TRPC5: variants seen among roughly 807,000 people sequenced by gnomAD.
TRPC5 encodes transient receptor potential cation channel subfamily C member 5.
In TRPC5, 9 loss-of-function variants were observed where a neutral mutation model predicts 56.5. That is an observed-to-expected ratio of 0.16 (90% CI 0.10 to 0.28). The LOEUF (loss-of-function observed/expected upper bound fraction) is 0.28, where lower values mean the gene tolerates loss of function less well. Among genes scored for constraint, TRPC5 ranks in the 10% least tolerant of loss-of-function variants. TRPC5 has a pLI of 1.00. For missense variants in TRPC5, 469 were observed against 748.9 expected (o/e 0.63, Z 4.36); for synonymous variants, 282 against 278.5 (o/e 1.01, Z -0.13).
At chrX:112,047,865 T>C (rs1308646894) in intron 1 of TRPC5, among the ~76,000 whole-genome samples, 1 of 112,057 alleles carries the variant, frequency 8.9e-6, no homozygotes, top group Non-Finnish European at 1.9e-5. Flanking sequence ...ACTGTTCTTA[T>C]CTTTCACAGT....
Position 111,853,919 on chromosome X carries a change from G to C in TRPC5, c.1088C>G (p.Pro363Arg), listed in dbSNP as rs1175238416. Residue 363 changes from proline to arginine, a missense_variant, in exon 4 of 11, where the codon CCC (proline) becomes CGC (arginine). Physicochemically the swap from Pro to Arg is moderately radical, Grantham distance 103 (BLOSUM62 -2). Transcript: ENST00000262839. ...RSNLGLFIKK[P>R]FIKFICHTAS... The stretch of plus-strand genomic sequence containing the variant: ...TGTGTGGCAGATAAACTTGATAAAG[G>C]GTTTCTTGATGAACAGCCCAAGGTT... The C allele has an allele frequency of 8.3e-7, 1 of 1,211,687 alleles. No individual in the cohort carries two copies. The highest frequency in any genetic ancestry group is 3.0e-5 in the East Asian group (1 of 33,842).
rs146356605 is a variant in TRPC5 at position 111,841,580 on chromosome X, T to C, written c.1700+5534A>G. 6.9e-3 allele frequency among the ~76,000 whole-genome samples: 772 copies of C among 112,360 alleles called. 8 individuals are homozygous for C. Among genetic ancestry groups the C allele is most frequent in the African/African-American group, 0.024 (746 of 30,934 alleles). ...GTGCCTGTTCCTAGCACGCAGTAAA[T>C]ATTGATTATTTTCATTATTATTATT... On this transcript the variant is annotated intron_variant, in intron 6 of 10. Transcript: ENST00000262839.
At chrX:111,784,219 C>T (rs1945942311) in intron 7 of TRPC5, among the ~76,000 whole-genome samples, 1 of 111,871 alleles carries the variant, frequency 8.9e-6, no homozygotes, top group South Asian at 3.7e-4. Flanking sequence ...AGGAGTAAAT[C>T]TTTGTGACCT....
chrX:111,800,811 A>G (rs1331426953), intron 7 of TRPC5, among the ~76,000 whole-genome samples: 4 of 111,135 alleles, frequency 3.6e-5, no homozygotes, highest in African/African-American at 1.3e-4. Flanking sequence ...GTTAATTGTT[A>G]TTAGTAAGGC....
chrX:111,984,720 T>A, intron 1 of TRPC5, among the ~76,000 whole-genome samples: 1 of 112,144 alleles, frequency 8.9e-6, no homozygotes, highest in Non-Finnish European at 1.9e-5. Flanking sequence ...GGAAAAGTGA[T>A]CAAAATCCCT....
At chrX:111,973,013 A>G (rs1402598962) in intron 1 of TRPC5, among the ~76,000 whole-genome samples, 1 of 111,779 alleles carries the variant, frequency 8.9e-6, no homozygotes, top group Admixed American at 9.5e-5. Flanking sequence ...CCTGGAGATG[A>G]GCAAGACAAA....
chrX:111,930,834 C>A (rs1926391790), intron 2 of TRPC5: 1 of 111,260 alleles, frequency 9.0e-6, no homozygotes, highest in African/African-American at 3.3e-5. Context: ...GAAGCCATTG[C>A]CCTGGAAAAT....
intron 3 of TRPC5, among the ~76,000 whole-genome samples, chrX:111,887,455 TC>T (rs1267934471): frequency 1.8e-5 from 2 of 112,147 alleles, no homozygotes; most frequent in East Asian, 5.6e-4. Flanking sequence ...CATGTCCCCT[TC>T]CTAACAAAGA....
intron 1 of TRPC5, among the ~76,000 whole-genome samples, chrX:111,971,075 G>T (rs1927772670): frequency 1.8e-5 from 2 of 111,561 alleles, no homozygotes; most frequent in South Asian, 7.6e-4. Context: ...ACCGCGCCCG[G>T]CCACATTACC....
chrX:111,929,408 G>A (rs1407868692), intron 2 of TRPC5, among the ~76,000 whole-genome samples: 1 of 112,508 alleles, frequency 8.9e-6, no homozygotes, highest in African/African-American at 3.2e-5. Flanking sequence ...CTCTTTCTGA[G>A]GCTAGAGATT....
chrX:112,063,424 G>A (rs1426547349), intron 1 of TRPC5, among the ~76,000 whole-genome samples: 3 of 112,319 alleles, frequency 2.7e-5, no homozygotes, highest in Non-Finnish European at 5.6e-5. Context: ...TTTCTGTGTG[G>A]CATAGCCTGT....
At chrX:111,823,655 T>C (rs746793713) in intron 7 of TRPC5, among the ~76,000 whole-genome samples, 33 of 110,663 alleles carry the variant, frequency 3.0e-4, no homozygotes, top group Non-Finnish European at 5.7e-4. Flanking sequence ...AAAAGAGAGC[T>C]AGTTGGCGTG....
intron 1 of TRPC5, among the ~76,000 whole-genome samples, chrX:112,041,444 T>C (rs2147726975): frequency 8.9e-6 from 1 of 112,058 alleles, no homozygotes; most frequent in African/African-American, 3.2e-5. Flanking sequence ...TTTAAATACA[T>C]TGACTCATTT....
intron 3 of TRPC5, among the ~76,000 whole-genome samples, chrX:111,873,551 C>T (rs750791405): frequency 9.9e-5 from 11 of 110,772 alleles, no homozygotes; most frequent in South Asian, 7.7e-4. Flanking sequence ...GGGAGGCTAA[C>T]GCGGGTGGAT....
intron 2 of TRPC5, among the ~76,000 whole-genome samples, chrX:111,939,714 C>T (rs181781614): frequency 8.9e-6 from 1 of 111,796 alleles, no homozygotes; most frequent in East Asian, 2.8e-4. Flanking sequence ...TCTAATGATA[C>T]TTTTAATTTT....
At position 111,908,912 on chromosome X, in the gene TRPC5, A is replaced by C. The variant is rs1410131633; in HGVS notation, c.900+3379T>G. The stretch of plus-strand genomic sequence containing the variant: ...AGTGCTTTGGGAGGCTGAGATGGGA[A>C]GATCACCTGAGGCCAGGAGTTTGAG... On this transcript the variant is annotated intron_variant, in intron 3 of 10. Transcript: ENST00000262839. Among the ~76,000 whole-genome samples, 3 of 110,530 alleles carry C rather than the reference A, an allele frequency of 2.7e-5. No individual in the cohort carries two copies. The East Asian group carries it at 8.5e-4, about 31-fold the overall frequency.
In TRPC5 at chrX:111,905,914, C is replaced by CAAAAAAA. The variant is rs1202912083; in HGVS notation, c.900+6370_900+6376dup. On this transcript the variant is annotated intron_variant, in intron 3 of 10. Coordinates refer to ENST00000262839, the MANE Select transcript of TRPC5 (RefSeq NM_012471.3). ...TGGGCGACAGAGCGAGTCTCTGTCT[C>CAAAAAAA]AAAAAAAAAAAAAAAAAGAAAGAAA... Among the ~76,000 whole-genome samples, 145 of 36,963 alleles carry CAAAAAAA rather than the reference C, an allele frequency of 3.9e-3. 1 individual carries two copies. The highest frequency in any genetic ancestry group is 0.016 in the African/African-American group (134 of 8,537). 32.1% of individuals were successfully genotyped at this position (36,963 alleles called of 115,157 possible).
chrX:111,920,072 C>T (rs1431928262), intron 2 of TRPC5, among the ~76,000 whole-genome samples: 3 of 111,329 alleles, frequency 2.7e-5, no homozygotes, highest in African/African-American at 6.5e-5. Context: ...GTCAGGAGTT[C>T]GAGACCAGCC....
intron 7 of TRPC5, among the ~76,000 whole-genome samples, chrX:111,804,635 A>G (rs1349177315): frequency 1.8e-5 from 2 of 111,526 alleles, no homozygotes; most frequent in Non-Finnish European, 3.8e-5. Context: ...GAGTTCACTC[A>G]TGATTTGGCT....
Sources: gnomAD v4.1 joint callset for allele counts (sites outside exome capture counted in the v4.1 genomes callset) on GRCh38, gnomAD v4.1.1 for gene constraint, MANE v1.5 for transcripts, NCBI Gene and HGNC (gene_info 2026-07-23, HGNC 2026-07-21) for gene names.